The following AFF3 variants were observed in gnomAD, a reference collection of about 807,000 sequenced individuals.
The protein encoded by AFF3 is AF4/FMR2 family member 3.
Under a neutral mutation model 129.7 loss-of-function variants are expected in AFF3, and 32 were observed. The ratio of observed to expected loss-of-function variants is 0.25; its 90% CI spans 0.19 to 0.33. The LOEUF is 0.33. AFF3 is among the 10% of genes least tolerant of loss of function. The pLI is 1.00. For missense variants in AFF3, 1,373 were observed against 1,592.0 expected (o/e 0.86, Z 2.34); for synonymous variants, 644 against 635.4 (o/e 1.01, Z -0.20).
intron 4 of AFF3, among the ~76,000 whole-genome samples, chr2:100,030,190 T>C (rs1225950814): frequency 2.6e-5 from 4 of 152,160 alleles, no homozygotes; most frequent in Non-Finnish European, 5.9e-5. Flanking sequence ...ATGATACATG[T>C]TGACACATTT....
intron 8 of AFF3, among the ~76,000 whole-genome samples, chr2:99,827,296 G>C (rs1329604984): frequency 2.6e-5 from 4 of 152,066 alleles, no homozygotes; most frequent in Admixed American, 6.5e-5. Flanking sequence ...AACATCAAGG[G>C]GGACTTACAG....
chr2:99,851,762 T>C (rs1690161881), intron 7 of AFF3, among the ~76,000 whole-genome samples: 1 of 152,218 alleles, frequency 6.6e-6, no homozygotes, highest in South Asian at 2.1e-4. Context: ...AAGTGTGTCT[T>C]CACCTCCCAC....
chr2:100,055,688 C>T (rs1000720347), intron 4 of AFF3, among the ~76,000 whole-genome samples: 3 of 152,078 alleles, frequency 2.0e-5, no homozygotes, highest in South Asian at 4.1e-4. Context: ...ATAGGCTTTG[C>T]GGGCCAAATG....
intron 14 of AFF3, among the ~76,000 whole-genome samples, chr2:99,595,371 C>A (rs1227649721): frequency 6.6e-6 from 1 of 152,024 alleles, no homozygotes; most frequent in African/African-American, 2.4e-5. Flanking sequence ...TGTGTTTTTT[C>A]TTCCCTATGG....
intron 4 of AFF3, among the ~76,000 whole-genome samples, chr2:100,052,370 C>A (rs1009612675): frequency 1.3e-5 from 2 of 152,146 alleles, no homozygotes; most frequent in Non-Finnish European, 2.9e-5. Flanking sequence ...TCTACCTCGT[C>A]CCCCATGCCA....
rs1005390482 is a variant in AFF3, at chr2:99,693,771, G to T, written c.1092-21182C>A. Among the ~76,000 whole-genome samples, 8 of 152,136 alleles carry T rather than the reference G, an allele frequency of 5.3e-5. 1 individual carries two copies. In the East Asian group the frequency reaches 1.5e-3, roughly 29 times the overall value. ...TAAAAGTGAAAGCCAGTAGGTTTTG[G>T]TTCCTTATTCATACACTCAGGTTTG... is the stretch of plus-strand genomic sequence containing the variant. On this transcript the variant is annotated intron_variant, in intron 11 of 24. Coordinates refer to ENST00000672756, the MANE Select transcript of AFF3 (RefSeq NM_001386135.1).
chr2:99,668,394 A>T lies in AFF3; in HGVS notation c.1143+4144T>A, dbSNP rs540222960. On this transcript the variant is annotated intron_variant, in intron 12 of 24. Coordinates refer to ENST00000672756, the MANE Select transcript of AFF3 (RefSeq NM_001386135.1). ...ACTATGTTGGCCAGGCTGGTCTCGA[A>T]CTCCTGACCTCATGATCTGCTCTCC... Among the ~76,000 whole-genome samples the T allele has an allele frequency of 1.6e-3, 240 of 151,688 alleles. 1 individual carries two copies. The highest frequency in any genetic ancestry group is 5.7e-3 in the African/African-American group (234 of 41,358).
At chr2:99,863,083 C>G (rs902405706) in intron 7 of AFF3, among the ~76,000 whole-genome samples, 1 of 152,264 alleles carries the variant, frequency 6.6e-6, no homozygotes, top group Non-Finnish European at 1.5e-5. Flanking sequence ...TTCTAGACAG[C>G]TGCCCACCTT....
intron 7 of AFF3, among the ~76,000 whole-genome samples, chr2:99,948,089 C>T (rs1675807324): frequency 6.6e-6 from 1 of 152,186 alleles, no homozygotes; most frequent in South Asian, 2.1e-4. Flanking sequence ...CTCCAGTCCT[C>T]CATAACTTAG....
intron 11 of AFF3, among the ~76,000 whole-genome samples, chr2:99,696,565 A>G (rs1676288885): frequency 6.6e-6 from 1 of 152,208 alleles, no homozygotes; most frequent in African/African-American, 2.4e-5. Context: ...TGTATTAGAC[A>G]TGGTCTCTGG....
intron 4 of AFF3, among the ~76,000 whole-genome samples, chr2:100,020,769 C>A (rs1436603503): frequency 6.6e-6 from 1 of 152,236 alleles, no homozygotes; most frequent in South Asian, 2.1e-4. Context: ...TTGGCCCAGG[C>A]CACCATGGGC....
Position 99,593,988 on chromosome 2 carries a change from A to G in AFF3, c.1673T>C (p.Val558Ala), listed in dbSNP as rs957860657. ...KSPPAAVAVA[V>A]SAAAPPPAVP... ...TGCGGGTGGCGGGGCGGCTGCGCTC[A>G]CCGCCACGGCCACGGCCGCGGGCGG... The change falls in exon 15 of 25, where the codon GTG becomes GCG. Residue 558 changes from valine (V) to alanine (A), a missense_variant. Around this residue, in one of 9 missense-constraint regions of AFF3, gnomAD observed 413 missense variants for 424.4 expected, o/e 0.97. Coordinates refer to ENST00000672756, the MANE Select transcript of AFF3 (RefSeq NM_001386135.1). The G allele has an allele frequency of 3.3e-6, 5 of 1,521,136 alleles. No individual in the cohort carries two copies. The African/African-American group carries it at 7.0e-5, about 21-fold the overall frequency. 94.2% of individuals were successfully genotyped at this position (1,521,136 alleles called of 1,614,324 possible).
Position 99,952,278 on chromosome 2 carries a change from T to C in AFF3, c.873+54354A>G, listed in dbSNP as rs374762205. ...AAACCCCTTCCTCCTGCTCTGACCA[T>C]GTAAGACATGTCAGCTTCCCCTTTG... On this transcript the variant is annotated intron_variant, in intron 7 of 24. Transcript: ENST00000672756. 1.6e-4 allele frequency among the ~76,000 whole-genome samples: 25 copies of C among 152,246 alleles called. No individual in the cohort carries two copies. In the South Asian group the frequency reaches 4.8e-3, roughly 29 times the overall value.
intron 7 of AFF3, among the ~76,000 whole-genome samples, chr2:99,875,595 G>A (rs1692230763): frequency 6.6e-6 from 1 of 152,164 alleles, no homozygotes; most frequent in South Asian, 2.1e-4. Flanking sequence ...GATGTCCCCA[G>A]GATCTGGCAG....
chr2:100,074,662 C>T (rs980768748), intron 4 of AFF3, among the ~76,000 whole-genome samples: 1 of 152,154 alleles, frequency 6.6e-6, no homozygotes, highest in Non-Finnish European at 1.5e-5. Flanking sequence ...AAAGTTAAAG[C>T]CCAGTTTGTC....
At chr2:100,033,199 T>C (rs769357355) in intron 4 of AFF3, among the ~76,000 whole-genome samples, 1 of 152,182 alleles carries the variant, frequency 6.6e-6, no homozygotes, top group Non-Finnish European at 1.5e-5. Flanking sequence ...GTGAGGCCAA[T>C]GTTGCAAAGA....
chr2:99,853,774 T>G (rs892185540), intron 7 of AFF3, among the ~76,000 whole-genome samples: 4 of 152,224 alleles, frequency 2.6e-5, no homozygotes, highest in Admixed American at 6.5e-5. Flanking sequence ...CAGATGTTTG[T>G]GCTGACTTCT....
At chr2:99,993,962 T>C (rs1291325192) in intron 7 of AFF3, among the ~76,000 whole-genome samples, 1 of 151,380 alleles carries the variant, frequency 6.6e-6, no homozygotes, top group Non-Finnish European at 1.5e-5. Flanking sequence ...CCCACCACCA[T>C]GCCCGGCTAA....
At chr2:100,004,727 CTG>C (rs1573079187) in intron 7 of AFF3, among the ~76,000 whole-genome samples, 2 of 152,136 alleles carry the variant, frequency 1.3e-5, no homozygotes, top group Non-Finnish European at 1.5e-5. Flanking sequence ...TGGCTGCTGA[CTG>C]TGAAATTTAG....
Sources: gnomAD v4.1 joint callset for allele counts (sites outside exome capture counted in the v4.1 genomes callset) on GRCh38, gnomAD v4.1.1 for gene constraint, gnomAD v4.1.1 regional missense constraint, MANE v1.5 for transcripts, NCBI Gene and HGNC (gene_info 2026-07-23, HGNC 2026-07-21) for gene names.